DOCK8: variants seen among roughly 807,000 people sequenced by gnomAD.
The protein encoded by DOCK8 is dedicator of cytokinesis protein 8.
A neutral mutation model predicts 245.6 loss-of-function variants in DOCK8; 141 were observed. The observed-to-expected ratio is 0.57, with a 90% CI of 0.50 to 0.66. The LOEUF is 0.66. DOCK8 is among the 30% of genes least tolerant of loss of function. DOCK8 has a pLI of 0.00. For synonymous variants in DOCK8, 1,168 were observed against 970.2 expected (o/e 1.20, Z -3.79); for missense variants, 2,965 against 2,603.4 (o/e 1.14, Z -3.02).
intron 22 of DOCK8, among the ~76,000 whole-genome samples, chr9:384,003 G>C (rs569676279): frequency 2.6e-5 from 4 of 152,078 alleles, no homozygotes; most frequent in Non-Finnish European, 5.9e-5. Flanking sequence ...CACCTTCTCA[G>C]TTTTTCTCTA....
At position 439,395 on chromosome 9, in the gene DOCK8, GCCCAGAGGGCATCCCGGGGCCTGGCCT is replaced by G; in HGVS notation, c.5223+12_5223+38del. On this transcript the variant is annotated splice_region_variant and intron_variant, in intron 40 of 47. Coordinates refer to ENST00000432829, the MANE Select transcript of DOCK8 (RefSeq NM_203447.4). ...CGCGGAGCTCTTCAGCACGGTCAGT[GCCCAGAGGGCATCCCGGGGCCTGGCCT>G]CCCATACTCCAGCTGGACTTGGGGT... is the stretch of plus-strand genomic sequence containing the variant. 6.2e-7 allele frequency: 1 copy of G among 1,612,496 alleles called. No homozygotes were observed.
chr9:233,714 T>G (rs1425482774), intron 1 of DOCK8, among the ~76,000 whole-genome samples: 2 of 152,168 alleles, frequency 1.3e-5, no homozygotes, highest in Non-Finnish European at 2.9e-5. Context: ...AGACTAGGAT[T>G]GCAACCCCTG....
rs1301093812 is a variant in DOCK8 at position 422,256 on chromosome 9, CTG to C, written c.4241+125_4241+126del. ...GGGTTAGAAAATGAAACATCATTAT[CTG>C]TGTAAATACAATTCATCCAGGGACC... is the stretch of plus-strand genomic sequence containing the variant. On this transcript the variant is annotated intron_variant, in intron 33 of 47. Coordinates refer to ENST00000432829, the MANE Select transcript of DOCK8 (RefSeq NM_203447.4). 3.4e-5 allele frequency: 29 copies of C among 843,572 alleles called. 1 individual carries two copies. In the Middle Eastern group the frequency reaches 6.8e-4, roughly 20 times the overall value. 52.3% of individuals were successfully genotyped at this position (843,572 alleles called of 1,614,324 possible).
intron 4 of DOCK8, among the ~76,000 whole-genome samples, chr9:292,193 A>G (rs867527457): frequency 6.6e-6 from 1 of 151,122 alleles, no homozygotes; most frequent in Admixed American, 6.6e-5. Context: ...CAACATGGAG[A>G]AACCCAGTCT....
chr9:375,998 A>G (rs2053499668), intron 18 of DOCK8, among the ~76,000 whole-genome samples: 1 of 152,196 alleles, frequency 6.6e-6, no homozygotes. Context: ...CCTGTCTCAA[A>G]AGGAATGAAT....
At chr9:446,146 C>G (rs898678078) in intron 43 of DOCK8, among the ~76,000 whole-genome samples, 9 of 152,248 alleles carry the variant, frequency 5.9e-5, no homozygotes, top group South Asian at 2.1e-4. Context: ...GTGGCCCTCA[C>G]TCTCCCCACA....
At chr9:395,416 G>A (rs2054403423) in intron 24 of DOCK8, among the ~76,000 whole-genome samples, 1 of 152,130 alleles carries the variant, frequency 6.6e-6, no homozygotes, top group East Asian at 1.9e-4. Flanking sequence ...CTTAGAAACT[G>A]AATTCTGCTG....
At chr9:235,594 T>G (rs1272563659) in intron 1 of DOCK8, among the ~76,000 whole-genome samples, 1 of 151,866 alleles carries the variant, frequency 6.6e-6, no homozygotes, top group Non-Finnish European at 1.5e-5. Context: ...AACAACTAAC[T>G]CGGCAATGGT....
intron 5 of DOCK8, among the ~76,000 whole-genome samples, chr9:308,690 C>T (rs183420048): frequency 3.9e-5 from 6 of 152,288 alleles, no homozygotes; most frequent in Admixed American, 2.0e-4. Context: ...CAGAGTCTTG[C>T]TCTGTCGCCT....
chr9:248,583 G>C (rs79649100), intron 1 of DOCK8, among the ~76,000 whole-genome samples: 20 of 80,636 alleles, frequency 2.5e-4, no homozygotes, highest in East Asian at 1.8e-3. Context: ...CTCTCTCTCT[G>C]TCTTTCTTTC....
intron 44 of DOCK8, among the ~76,000 whole-genome samples, chr9:448,821 T>G (rs2057342817): frequency 6.6e-6 from 1 of 152,238 alleles, no homozygotes; most frequent in African/African-American, 2.4e-5. Context: ...TACTGAAGGT[T>G]AGGACTTCGA....
intron 33 of DOCK8, among the ~76,000 whole-genome samples, chr9:425,900 TTA>T (rs2056482179): frequency 6.6e-6 from 1 of 152,082 alleles, no homozygotes; most frequent in Non-Finnish European, 1.5e-5. Context: ...ACAGAAGTAC[TTA>T]TTTTTTGAGT....
intron 40 of DOCK8, 83 bp from the exon 41 acceptor site, chr9:441,201 CAT>C: frequency 6.4e-7 from 1 of 1,573,402 alleles, no homozygotes; most frequent in Non-Finnish European, 8.7e-7. Flanking sequence ...CTCTCCAGCA[CAT>C]TGTTTGGACA....
At chr9:273,829 C>G (rs2048236588) in intron 2 of DOCK8, among the ~76,000 whole-genome samples, 1 of 150,540 alleles carries the variant, frequency 6.6e-6, no homozygotes, top group Non-Finnish European at 1.5e-5. Flanking sequence ...GCCTCAGCCT[C>G]CCGAGTAGCT....
chr9:426,823 C>A, intron 33 of DOCK8, 62 bp from the exon 34 acceptor site: 1 of 1,324,456 alleles, frequency 7.6e-7, no homozygotes, highest in Non-Finnish European at 1.1e-6. Flanking sequence ...GTATAGATTG[C>A]CATCATGGGA....
Position 312,793 on chromosome 9 carries a change from C to G in DOCK8, c.741+627C>G, listed in dbSNP as rs1484671169. The G allele has an allele frequency of 2.6e-5, 8 of 309,728 alleles. No individual in the cohort carries two copies. In the Admixed American group the frequency reaches 3.9e-4, roughly 15 times the overall value. The allele number at this position is 309,728 out of a possible 1,614,324, so 19.2% of individuals were successfully genotyped here. ...GATGAAATGAGAGGTGACGATTATT[C>G]AAGCCTTTTGTCTGTTTGAACTCCT... On this transcript the variant is annotated intron_variant, in intron 6 of 47. Coordinates refer to ENST00000432829, the MANE Select transcript of DOCK8 (RefSeq NM_203447.4).
intron 1 of DOCK8, among the ~76,000 whole-genome samples, chr9:232,418 G>C (rs1050393149): frequency 6.6e-6 from 1 of 152,204 alleles, no homozygotes; most frequent in African/African-American, 2.4e-5. Flanking sequence ...CATCAAATGA[G>C]TTAGGGAGTA....
At chr9:351,116 G>C (rs2052146448) in intron 14 of DOCK8, among the ~76,000 whole-genome samples, 1 of 152,156 alleles carries the variant, frequency 6.6e-6, no homozygotes, top group South Asian at 2.1e-4. Flanking sequence ...AATTTCTCTG[G>C]CTTCCTGATA....
chr9:249,261 G>A (rs1234327689), intron 1 of DOCK8, among the ~76,000 whole-genome samples: 3 of 151,696 alleles, frequency 2.0e-5, no homozygotes, highest in African/African-American at 7.3e-5. Flanking sequence ...AAGGTGCCAC[G>A]CCCAGTTCTT....
Sources: gnomAD v4.1 joint callset for allele counts (sites outside exome capture counted in the v4.1 genomes callset) on GRCh38, gnomAD v4.1.1 for gene constraint, MANE v1.5 for transcripts, NCBI Gene and HGNC (gene_info 2026-07-23, HGNC 2026-07-21) for gene names.